Variants in PLCB1 observed in about 807,000 individuals in gnomAD.
PLCB1 encodes the protein phospholipase C beta 1, also known as 1-phosphatidylinositol 4,5-bisphosphate phosphodiesterase beta-1.
In PLCB1, 46 loss-of-function variants were observed where a neutral mutation model predicts 161.8. That is an observed-to-expected ratio of 0.28 (90% CI 0.22 to 0.36). The LOEUF (loss-of-function observed/expected upper bound fraction) is 0.36, where lower values mean the gene tolerates loss of function less well. Among genes scored for constraint, PLCB1 ranks in the 10% least tolerant of loss-of-function variants. The probability of loss-of-function intolerance (pLI) is 1.00; values close to 1 mark genes in which losing one functional copy is unlikely to be tolerated. For missense variants in PLCB1, 1,016 were observed against 1,472.5 expected (o/e 0.69, Z 5.07); for synonymous variants, 517 against 503.7 (o/e 1.03, Z -0.35).
rs35750508 is a variant in PLCB1, at chr20:8,627,715, A to G, written c.247-579A>G. 2.3e-3 allele frequency among the ~76,000 whole-genome samples: 347 copies of G among 152,370 alleles called. 1 individual carries two copies. Among genetic ancestry groups the G allele is most frequent in the Non-Finnish European group, 3.6e-3 (245 of 68,034 alleles). ...ATGCAACTTGCTCTAAAAAGACTGC[A>G]GAAGTTCCCTATGTCCAAATCCCAG... On this transcript the variant is annotated intron_variant, in intron 3 of 31. Transcript: ENST00000338037.
chr20:8,815,369 A>G (rs1217576048), intron 31 of PLCB1, among the ~76,000 whole-genome samples: 1 of 152,206 alleles, frequency 6.6e-6, no homozygotes, highest in Non-Finnish European at 1.5e-5. Flanking sequence ...TTCAGACTGT[A>G]GTGCCATGCT....
At chr20:8,260,760 T>A (rs763303297) in intron 2 of PLCB1, among the ~76,000 whole-genome samples, 3 of 152,078 alleles carry the variant, frequency 2.0e-5, no homozygotes, top group African/African-American at 7.2e-5. Context: ...TGGTTAGCAG[T>A]GTTGTTCATG....
intron 31 of PLCB1, among the ~76,000 whole-genome samples, chr20:8,873,634 A>G (rs1987681088): frequency 6.6e-6 from 1 of 152,140 alleles, no homozygotes; most frequent in Non-Finnish European, 1.5e-5. Context: ...TTCTTTTCAA[A>G]GTCGTTTTGT....
At chr20:8,257,373 A>G (rs748647583) in intron 2 of PLCB1, among the ~76,000 whole-genome samples, 9 of 152,140 alleles carry the variant, frequency 5.9e-5, no homozygotes, top group Non-Finnish European at 1.2e-4. Context: ...TTAAATATCT[A>G]CTCATATGGT....
intron 31 of PLCB1, among the ~76,000 whole-genome samples, chr20:8,840,440 G>A (rs1294659040): frequency 6.6e-6 from 1 of 152,160 alleles, no homozygotes; most frequent in East Asian, 1.9e-4. Flanking sequence ...AGTGCTCTGA[G>A]GAAGCTACAC....
intron 3 of PLCB1, among the ~76,000 whole-genome samples, chr20:8,501,021 C>G (rs1291020705): frequency 2.0e-5 from 3 of 152,112 alleles, no homozygotes; most frequent in Non-Finnish European, 4.4e-5. Flanking sequence ...TCAGATACCC[C>G]AACAGTTCAT....
intron 1 of PLCB1, among the ~76,000 whole-genome samples, chr20:8,137,120 A>G (rs1568565857): frequency 6.6e-6 from 1 of 151,904 alleles, no homozygotes; most frequent in South Asian, 2.1e-4. Context: ...CACACCTCCA[A>G]CCCCCACAGC....
At chr20:8,302,621 TCTAA>T (rs969920705) in intron 2 of PLCB1, among the ~76,000 whole-genome samples, 81 of 152,382 alleles carry the variant, frequency 5.3e-4, no homozygotes, top group African/African-American at 1.9e-3. Flanking sequence ...AATTTAAATA[TCTAA>T]CTTTTTTCTT....
intron 2 of PLCB1, among the ~76,000 whole-genome samples, chr20:8,157,990 G>T (rs1393309355): frequency 6.6e-6 from 1 of 152,036 alleles, no homozygotes; most frequent in East Asian, 1.9e-4. Context: ...TTGTTCCTTG[G>T]TTTCATAAGT....
At chr20:8,470,470 CTTG>C (rs2122713600) in intron 3 of PLCB1, among the ~76,000 whole-genome samples, 2 of 152,236 alleles carry the variant, frequency 1.3e-5, no homozygotes, top group African/African-American at 4.8e-5. Flanking sequence ...GAAATGGTAT[CTTG>C]TTGTGGTTTT....
At chr20:8,735,665 A>G (rs1304272628) in intron 19 of PLCB1, among the ~76,000 whole-genome samples, 1 of 152,240 alleles carries the variant, frequency 6.6e-6, no homozygotes, top group Non-Finnish European at 1.5e-5. Context: ...TCTTAAACAT[A>G]CAACATCTTC....
chr20:8,324,120 G>GTTATGTT (rs1217844485), intron 2 of PLCB1, among the ~76,000 whole-genome samples: 1 of 152,002 alleles, frequency 6.6e-6, no homozygotes, highest in Non-Finnish European at 1.5e-5. Flanking sequence ...AGACTACTGT[G>GTTATGTT]ATTAATACAG....
rs1984706930 is a variant in PLCB1 at position 8,529,343 on chromosome 20, GA to G, written c.247-98950del. Among the ~76,000 whole-genome samples, 3 of 151,922 alleles carry G rather than the reference GA, an allele frequency of 2.0e-5. No homozygotes were observed. The South Asian group carries it at 6.2e-4, about 31-fold the overall frequency. The stretch of plus-strand genomic sequence containing the variant: ...TTAAATTTTCTCCCATGTTATTTTA[GA>G]TGTATTTTACTCCTCCTCCTCAAAG... On this transcript the variant is annotated intron_variant, in intron 3 of 31. Transcript: ENST00000338037.
At chr20:8,486,742 G>A (rs1260098223) in intron 3 of PLCB1, among the ~76,000 whole-genome samples, 43 of 151,716 alleles carry the variant, frequency 2.8e-4, no homozygotes, top group Admixed American at 1.4e-3. Context: ...TGATCCACCC[G>A]CCTCGGCCTC....
intron 3 of PLCB1, among the ~76,000 whole-genome samples, chr20:8,383,906 G>A (rs187735460): frequency 5.9e-5 from 9 of 152,268 alleles, no homozygotes; most frequent in Admixed American, 5.2e-4. Flanking sequence ...GGTCTGATGC[G>A]CTTCCCTTTG....
At position 8,393,168 on chromosome 20, in the gene PLCB1, G is replaced by T. The variant is rs16994735; in HGVS notation, c.246+21718G>T. Among the ~76,000 whole-genome samples the T allele has an allele frequency of 1.8e-3, 275 of 152,170 alleles. 2 individuals are homozygous for T. The highest frequency in any genetic ancestry group is 0.015 in the Admixed American group (232 of 15,274). ...CCTGGTACTTCTGTACTCAAATGCT[G>T]CTTGATTTTTATATTTATACCCAAG... On this transcript the variant is annotated intron_variant, in intron 3 of 31. Transcript: ENST00000338037.
chr20:8,301,670 C>G (rs1407783254), intron 2 of PLCB1, among the ~76,000 whole-genome samples: 1 of 152,314 alleles, frequency 6.6e-6, no homozygotes, highest in Non-Finnish European at 1.5e-5. Context: ...TACCCTCCCC[C>G]ACCTTTCCTG....
intron 31 of PLCB1, among the ~76,000 whole-genome samples, chr20:8,879,360 C>A (rs1239734907): frequency 6.6e-6 from 1 of 150,994 alleles, no homozygotes; most frequent in Non-Finnish European, 1.5e-5. Flanking sequence ...ATTCTTGGGG[C>A]CTGTTGTTTT....
intron 31 of PLCB1, among the ~76,000 whole-genome samples, chr20:8,793,312 A>T (rs927847895): frequency 6.6e-6 from 1 of 152,178 alleles, no homozygotes; most frequent in Non-Finnish European, 1.5e-5. Flanking sequence ...TAACCTTCTT[A>T]TGAAGAAGAA....
Sources: gnomAD v4.1 joint callset for allele counts (sites outside exome capture counted in the v4.1 genomes callset) on GRCh38, gnomAD v4.1.1 for gene constraint, MANE v1.5 for transcripts, NCBI Gene and HGNC (gene_info 2026-07-23, HGNC 2026-07-21) for gene names.